The following CHD8 variants were observed in gnomAD, a reference collection of about 807,000 sequenced individuals.
CHD8 encodes the protein chromodomain helicase DNA binding protein 8, also known as ATP-dependent chromatin remodeler CHD8.
CHD8 carries 31 observed loss-of-function variants against 279.2 expected under a neutral mutation model. The observed-to-expected ratio is 0.11, with a 90% CI of 0.08 to 0.15. The LOEUF (loss-of-function observed/expected upper bound fraction) is 0.15. Ranked by LOEUF, CHD8 falls within the 10% of genes least tolerant of loss-of-function variation. The probability of loss-of-function intolerance (pLI) is 1.00; values close to 1 mark genes in which losing one functional copy is unlikely to be tolerated. For missense variants in CHD8, 2,146 were observed against 3,230.5 expected (o/e 0.66, Z 8.14); for synonymous variants, 1,081 against 1,139.6 (o/e 0.95, Z 1.04).
At chr14:21,388,014 G>A (rs923218280) in intron 37 of CHD8, among the ~76,000 whole-genome samples, 3 of 152,136 alleles carry the variant, frequency 2.0e-5, no homozygotes, top group African/African-American at 7.2e-5. Flanking sequence ...TAGCCTTCTA[G>A]CCACCAGCCT....
chr14:21,402,242 A>T lies in CHD8; in HGVS notation c.3882+94T>A. ...TTAAGAAATAATAATTGAGAATCCA[A>T]ACAAGGTAGTCAAATCCCTGTGTAC... is the stretch of plus-strand genomic sequence containing the variant. On this transcript the variant is annotated intron_variant, in intron 19 of 37. Coordinates refer to ENST00000646647, the MANE Select transcript of CHD8 (RefSeq NM_001170629.2). The surrounding 1 kb of genome is among the most constrained non-coding windows in gnomAD (Gnocchi z 4.5). 1 of 1,520,326 alleles carries T rather than the reference A, an allele frequency of 6.6e-7. No individual in the cohort carries two copies. 94.2% of individuals were successfully genotyped at this position (1,520,326 alleles called of 1,614,324 possible). A position where few individuals can be genotyped will look rare whatever the true frequency, so the allele number is the denominator to read the frequency against.
At chr14:21,387,566 G>A (rs765111285) in intron 37 of CHD8, among the ~76,000 whole-genome samples, 63 of 151,836 alleles carry the variant, frequency 4.1e-4, no homozygotes, top group African/African-American at 1.4e-3. Flanking sequence ...CCCAGGAGGC[G>A]GAGATCGCGG....
chr14:21,443,391 G>A (rs938824221), intron 1 of CHD8, among the ~76,000 whole-genome samples: 3 of 151,778 alleles, frequency 2.0e-5, no homozygotes, highest in South Asian at 4.2e-4. Flanking sequence ...AAGCTAAGGA[G>A]GAACCCAGGA....
At chr14:21,391,372 G>A (rs1025884252) in intron 36 of CHD8, 91 bp downstream of exon 36, 14 of 1,201,094 alleles carry the variant, frequency 1.2e-5, no homozygotes, top group Middle Eastern at 2.0e-4. Flanking sequence ...ATACAGAAAC[G>A]ATGATACAGT....
At position 21,402,619 on chromosome 14, in the gene CHD8, A is replaced by C. The variant is rs917567843; in HGVS notation, c.3715-116T>G. 2.0e-6 allele frequency: 2 copies of C among 993,194 alleles called. No individual in the cohort carries two copies. The highest frequency in any genetic ancestry group is 2.9e-6 in the Non-Finnish European group (2 of 695,416). 61.5% of individuals were successfully genotyped at this position (993,194 alleles called of 1,614,324 possible). A position where few individuals can be genotyped will look rare whatever the true frequency, so the allele number is the denominator to read the frequency against. On this transcript the variant is annotated intron_variant, in intron 18 of 37. Transcript: ENST00000646647. The surrounding 1 kb of genome is among the most constrained non-coding windows in gnomAD (Gnocchi z 4.5). ...CCTCTATAGAGCAGCCATGAGATCA[A>C]CTCAAAACCAAGAGTCAATTTCAAG...
intron 37 of CHD8, among the ~76,000 whole-genome samples, chr14:21,390,275 A>G (rs549766823): frequency 6.6e-6 from 1 of 152,174 alleles, no homozygotes; most frequent in African/African-American, 2.4e-5. Flanking sequence ...TAAAACCCTC[A>G]CTTTTCAGGA....
rs773965408 is a variant in CHD8, at chr14:21,385,980, A to G, written c.7379T>C (p.Leu2460Ser). ...TGCAGAAGTGGCACTGCTGTGACCC[A>G]AAGATGACACAGACTGTAGGCCACT... ...SSSGLQSVSSLGHSSATSASL... is the reference protein window; with the variant it reads ...SSSGLQSVSSSGHSSATSASL... The change falls in exon 38 of 38, where the codon TTG becomes TCG. Residue 2460 changes from leucine to serine, a missense_variant. Physicochemically the swap from Leu to Ser is moderately radical, Grantham distance 145. Coordinates refer to ENST00000646647, the MANE Select transcript of CHD8 (RefSeq NM_001170629.2). 2 of 1,576,856 alleles carry G rather than the reference A, an allele frequency of 1.3e-6. No homozygotes were observed. The highest frequency in any genetic ancestry group is 2.3e-5 in the East Asian group (1 of 43,308).
At chr14:21,412,317 T>G (rs1436508919) in intron 10 of CHD8, among the ~76,000 whole-genome samples, 1 of 152,044 alleles carries the variant, frequency 6.6e-6, no homozygotes, top group Non-Finnish European at 1.5e-5. Context: ...GGCTAATTTT[T>G]GTATTTTTAG....
chr14:21,431,827 G>C lies in CHD8; in HGVS notation c.-184C>G, dbSNP rs1358671163. 1 of 1,613,152 alleles carries C rather than the reference G, an allele frequency of 6.2e-7. No homozygotes were observed. The highest frequency in any genetic ancestry group is 1.7e-5 in the Admixed American group (1 of 60,018). ...TGTCCTGACCTTCATGGAGCAAGAT[G>C]GCTACGTCTTCAGAGGAAGATGGTG... On this transcript the variant is annotated 5_prime_UTR_variant, in exon 2 of 38. Coordinates refer to ENST00000646647, the MANE Select transcript of CHD8 (RefSeq NM_001170629.2).
rs746951513 is a variant in CHD8, at chr14:21,401,474, A to G, written c.4102T>C (p.Leu1368=). Residue 1368 remains leucine, a synonymous_variant, in exon 21 of 38, where the codon TTG becomes CTG. Transcript: ENST00000646647. ...VASENRTDIS[L]DDPNFWQKWA... ...TTTTGCCAAAAGTTGGGGTCATCCA[A>G]AGAAATATCTGTCCTGTTTTCAGAA... is the stretch of plus-strand genomic sequence containing the variant. The G allele has an allele frequency of 1.4e-5, 22 of 1,600,548 alleles. No individual in the cohort carries two copies. The South Asian group carries it at 1.9e-4, about 14-fold the overall frequency.
chr14:21,432,500 T>C (rs1241558003), intron 1 of CHD8, among the ~76,000 whole-genome samples: 1 of 152,348 alleles, frequency 6.6e-6, no homozygotes, highest in South Asian at 2.1e-4. Context: ...AAAAGGTCAA[T>C]TGCAAGGGAT....
chr14:21,391,795 A>G (rs1887555533), intron 35 of CHD8, 38 bp downstream of exon 35: 1 of 1,554,618 alleles, frequency 6.4e-7, no homozygotes, highest in Admixed American at 1.7e-5. Flanking sequence ...TAAAAAGACA[A>G]TCTAATCGTC....
intron 34 of CHD8, 160 bp from the exon 35 acceptor site, chr14:21,392,106 CAT>C: frequency 1.3e-6 from 1 of 763,348 alleles, no homozygotes; most frequent in Non-Finnish European, 2.4e-6. Flanking sequence ...TACAAGAAAA[CAT>C]ACACACTTTT....
intron 4 of CHD8, 62 bp from the exon 5 acceptor site, chr14:21,426,304 CA>C (rs1889314692): frequency 1.2e-6 from 1 of 820,864 alleles, no homozygotes; most frequent in Non-Finnish European, 2.0e-6. Flanking sequence ...AGTAAAAAAA[CA>C]TAATTAATCT....
rs1888004205 is a variant in CHD8, at chr14:21,400,944, C to A, written c.4301G>T (p.Arg1434Ile). The change falls in exon 22 of 38, where the codon AGA becomes ATA. Residue 1434 changes from arginine to isoleucine, a missense_variant. By Grantham distance (97) the Arg-to-Ile change is moderately conservative. Coordinates refer to ENST00000646647, the MANE Select transcript of CHD8 (RefSeq NM_001170629.2). This position sits in a 1 kb window ranked among gnomAD's most constrained non-coding sequence, Gnocchi z 4.2. ...SEDDERPRSR[R>I]HDRHHAYGRT... ...CCCATAGGCATGATGACGGTCATGT[C>A]TGCGGGAGCGTGGCCGCTCATCATC... The A allele has an allele frequency of 6.2e-7, 1 of 1,613,950 alleles. No homozygotes were observed. Among genetic ancestry groups the A allele is most frequent in the South Asian group, 1.1e-5 (1 of 91,078 alleles).
chr14:21,454,722 TGCA>T (rs1158011933), intron 1 of CHD8, among the ~76,000 whole-genome samples: 11 of 152,320 alleles, frequency 7.2e-5, no homozygotes, highest in African/African-American at 2.6e-4. Context: ...ACGCCTCTCT[TGCA>T]GCAGAAGGTC....
chr14:21,424,346 T>C (rs1889201367), intron 5 of CHD8, among the ~76,000 whole-genome samples: 2 of 152,354 alleles, frequency 1.3e-5, no homozygotes, highest in South Asian at 4.1e-4. Flanking sequence ...TAAGCTCTAC[T>C]GTGTTTTATT....
intron 27 of CHD8, 131 bp from the exon 28 acceptor site, chr14:21,396,023 G>C (rs1336809202): frequency 3.0e-6 from 2 of 673,196 alleles, no homozygotes; most frequent in Non-Finnish European, 5.2e-6. Context: ...TTTGAGACAG[G>C]TCTCACTCTG....
At chr14:21,407,219 C>T (rs946760052) in intron 13 of CHD8, among the ~76,000 whole-genome samples, 187 bp from the exon 14 acceptor site, 3 of 152,128 alleles carry the variant, frequency 2.0e-5, no homozygotes, top group African/African-American at 7.2e-5. Context: ...ACATTGCTTC[C>T]TCAACATATT....
Sources: gnomAD v4.1 joint callset for allele counts (sites outside exome capture counted in the v4.1 genomes callset) on GRCh38, gnomAD v4.1.1 for gene constraint, Gnocchi (gnomAD v3.1) non-coding constraint, MANE v1.5 for transcripts, NCBI Gene and HGNC (gene_info 2026-07-23, HGNC 2026-07-21) for gene names.